BAIAP2L1: variants seen among roughly 807,000 people sequenced by gnomAD.
The protein encoded by BAIAP2L1 is BAR/IMD domain-containing adapter protein 2-like 1.
In BAIAP2L1, 35 loss-of-function variants were observed where a neutral mutation model predicts 66.3. The observed-to-expected ratio is 0.53, with a 90% CI of 0.40 to 0.70. The LOEUF is 0.70. BAIAP2L1 is among the 30% of genes least tolerant of loss of function. The pLI, the probability that BAIAP2L1 is intolerant of heterozygous loss-of-function variation, is 0.00. For synonymous variants in BAIAP2L1, 269 were observed against 248.7 expected (o/e 1.08, Z -0.77); for missense variants, 622 against 656.9 (o/e 0.95, Z 0.58).
intron 1 of BAIAP2L1, among the ~76,000 whole-genome samples, chr7:98,374,328 A>C (rs1487570035): frequency 6.6e-6 from 1 of 152,178 alleles, no homozygotes; most frequent in Non-Finnish European, 1.5e-5. Context: ...ATCCGGCTCT[A>C]TGTCTAACAT....
At chr7:98,337,980 C>T in intron 3 of BAIAP2L1, among the ~76,000 whole-genome samples, 1 of 152,136 alleles carries the variant, frequency 6.6e-6, no homozygotes, top group Admixed American at 6.6e-5. Flanking sequence ...GCCTATTTTA[C>T]TGATTTTAGT....
intron 9 of BAIAP2L1, chr7:98,308,853 T>C (rs900972389): frequency 1.3e-5 from 2 of 153,056 alleles, no homozygotes; most frequent in African/African-American, 4.8e-5. Flanking sequence ...CATTTTTAAA[T>C]TTTTTTGTAG....
chr7:98,390,977 G>A (rs1001783274), intron 1 of BAIAP2L1, among the ~76,000 whole-genome samples: 3 of 149,792 alleles, frequency 2.0e-5, no homozygotes, highest in Non-Finnish European at 4.4e-5. Context: ...GGGACTACAG[G>A]CGCACTCCAC....
chr7:98,377,083 C>T (rs921383008), intron 1 of BAIAP2L1, among the ~76,000 whole-genome samples: 1 of 152,176 alleles, frequency 6.6e-6, no homozygotes, highest in Non-Finnish European at 1.5e-5. Flanking sequence ...TCCCAGGCTG[C>T]CCTACAGATC....
At chr7:98,328,268 G>A (rs534239735) in intron 3 of BAIAP2L1, among the ~76,000 whole-genome samples, 1 of 152,318 alleles carries the variant, frequency 6.6e-6, no homozygotes, top group East Asian at 1.9e-4. Context: ...ACTGGACGCA[G>A]CTTCAGAAGG....
At chr7:98,331,081 TGAA>T (rs1206513083) in intron 3 of BAIAP2L1, among the ~76,000 whole-genome samples, 3 of 151,784 alleles carry the variant, frequency 2.0e-5, no homozygotes, top group Admixed American at 6.6e-5. Flanking sequence ...AACACTGAAA[TGAA>T]GAAACAAAGA....
intron 1 of BAIAP2L1, among the ~76,000 whole-genome samples, chr7:98,370,049 A>T (rs1041472373): frequency 6.6e-6 from 1 of 152,078 alleles, no homozygotes; most frequent in Non-Finnish European, 1.5e-5. Context: ...AATGAATGAG[A>T]ACTTCCACAG....
chr7:98,357,175 C>T (rs1381275115), intron 2 of BAIAP2L1, among the ~76,000 whole-genome samples: 9 of 147,672 alleles, frequency 6.1e-5, no homozygotes, highest in African/African-American at 2.2e-4. Context: ...TTGTGAGCCA[C>T]AGAATTAATT....
chr7:98,315,674 G>A (rs6963210), intron 6 of BAIAP2L1, 62 bp from the exon 7 acceptor site: 336,792 of 824,056 alleles, frequency 0.41, 72,149 homozygotes, highest in Middle Eastern at 0.48. Context: ...ATCAGATAGC[G>A]TGCAGCCTGA....
chr7:98,341,933 C>T (rs555751462), intron 3 of BAIAP2L1, among the ~76,000 whole-genome samples: 1 of 151,892 alleles, frequency 6.6e-6, no homozygotes, highest in African/African-American at 2.4e-5. Flanking sequence ...CTCAGCTCAG[C>T]TCTTTCCCTA....
intron 1 of BAIAP2L1, among the ~76,000 whole-genome samples, chr7:98,391,069 CTT>C (rs1803030242): frequency 6.6e-6 from 1 of 150,586 alleles, no homozygotes; most frequent in Non-Finnish European, 1.5e-5. Flanking sequence ...GTCTCGATCT[CTT>C]GACCTCATGA....
intron 1 of BAIAP2L1, among the ~76,000 whole-genome samples, chr7:98,378,287 T>G (rs1802679398): frequency 6.6e-6 from 1 of 152,176 alleles, no homozygotes; most frequent in African/African-American, 2.4e-5. Flanking sequence ...CCTGGTGTGT[T>G]TTAGCCTCAG....
chr7:98,356,423 G>T (rs1011901724), intron 2 of BAIAP2L1, among the ~76,000 whole-genome samples: 1 of 152,112 alleles, frequency 6.6e-6, no homozygotes, highest in Non-Finnish European at 1.5e-5. Context: ...AAGAGCCCTC[G>T]GGAATCCCAG....
chr7:98,314,525 G>C (rs1447378384), intron 7 of BAIAP2L1, among the ~76,000 whole-genome samples: 1 of 148,270 alleles, frequency 6.7e-6, no homozygotes, highest in East Asian at 1.9e-4. Flanking sequence ...TAAAACAAAG[G>C]AAAGGAAATG....
chr7:98,293,607 TAAG>T lies in BAIAP2L1; in HGVS notation c.1461-14_1461-12del. ...AAGGGGTTTTCTCCGCTGCAGGGGA[TAAG>T]AAAAATCTTTCAGAACTTCTGCTCT... On this transcript the variant is annotated splice_polypyrimidine_tract_variant and intron_variant, in intron 13 of 13. Transcript: ENST00000005260. 3 of 1,611,436 alleles carry T rather than the reference TAAG, an allele frequency of 1.9e-6. No homozygotes were observed. Among genetic ancestry groups the T allele is most frequent in the East Asian group, 2.2e-5 (1 of 44,878 alleles).
chr7:98,294,365 T>A (rs1331393658), intron 12 of BAIAP2L1, among the ~76,000 whole-genome samples: 1 of 152,170 alleles, frequency 6.6e-6, no homozygotes, highest in African/African-American at 2.4e-5. Flanking sequence ...AAGTGCCCTG[T>A]CCCAATCTGT....
chr7:98,392,187 A>AAT (rs71112151), intron 1 of BAIAP2L1, among the ~76,000 whole-genome samples: 13 of 139,990 alleles, frequency 9.3e-5, no homozygotes, highest in Admixed American at 5.0e-4. Context: ...AAAAAAAAAA[A>AAT]GTCTACCTTA....
chr7:98,347,638 C>T (rs913557134), intron 3 of BAIAP2L1, among the ~76,000 whole-genome samples: 1 of 151,770 alleles, frequency 6.6e-6, no homozygotes, highest in Non-Finnish European at 1.5e-5. Context: ...AGCCGGGCGC[C>T]GTGGCAGGCG....
chr7:98,306,770 C>T (rs113607931), intron 10 of BAIAP2L1: 24,052 of 478,732 alleles, frequency 0.05, 770 homozygotes, highest in Non-Finnish European at 0.064. Flanking sequence ...TGCAGTGGTG[C>T]GATCATAGCT....
Sources: gnomAD v4.1 joint callset for allele counts (sites outside exome capture counted in the v4.1 genomes callset) on GRCh38, gnomAD v4.1.1 for gene constraint, MANE v1.5 for transcripts, NCBI Gene and HGNC (gene_info 2026-07-23, HGNC 2026-07-21) for gene names.